The following STX8 variants were observed in gnomAD, a reference collection of about 807,000 sequenced individuals.
STX8 encodes syntaxin-8.
In STX8, 23 loss-of-function variants were observed where a neutral mutation model predicts 37.5. The ratio of observed to expected loss-of-function variants is 0.61; its 90% CI spans 0.44 to 0.87. The LOEUF (loss-of-function observed/expected upper bound fraction) is 0.87, where lower values mean the gene tolerates loss of function less well. STX8 is among the 40% of genes least tolerant of loss of function. The pLI, the probability that STX8 is intolerant of heterozygous loss-of-function variation, is 0.00. For missense variants in STX8, 313 were observed against 284.7 expected (o/e 1.10, Z -0.71); for synonymous variants, 115 against 99.1 (o/e 1.16, Z -0.95).
chr17:9,475,052 G>A (rs1906042565), intron 6 of STX8, among the ~76,000 whole-genome samples: 1 of 152,148 alleles, frequency 6.6e-6, no homozygotes, highest in African/African-American at 2.4e-5. Flanking sequence ...GATTTCTATA[G>A]ATACTATGAC....
intron 7 of STX8, among the ~76,000 whole-genome samples, chr17:9,310,160 C>A (rs2142189752): frequency 6.6e-6 from 1 of 152,044 alleles, no homozygotes; most frequent in South Asian, 2.1e-4. Flanking sequence ...AAAAAAACAA[C>A]ATACAAACAC....
chr17:9,462,783 C>A (rs1241202096), intron 6 of STX8, among the ~76,000 whole-genome samples: 1 of 152,156 alleles, frequency 6.6e-6, no homozygotes, highest in Admixed American at 6.6e-5. Context: ...TCCAATGAAA[C>A]CCTAATTATA....
chr17:9,525,408 A>G (rs540779424), intron 4 of STX8, among the ~76,000 whole-genome samples: 42 of 150,252 alleles, frequency 2.8e-4, no homozygotes, highest in Non-Finnish European at 4.0e-4. Flanking sequence ...GTGCAATGGC[A>G]TGATCTCGGC....
chr17:9,537,371 TG>T (rs1906100685), intron 4 of STX8, among the ~76,000 whole-genome samples: 1 of 152,174 alleles, frequency 6.6e-6, no homozygotes, highest in Non-Finnish European at 1.5e-5. Flanking sequence ...AGAAGACAGA[TG>T]TGAGTTCTCC....
chr17:9,541,334 G>A (rs537393208), intron 4 of STX8, among the ~76,000 whole-genome samples: 212 of 152,268 alleles, frequency 1.4e-3, no homozygotes, highest in African/African-American at 4.8e-3. Context: ...CAGGTGCAGC[G>A]TATGATGGGG....
intron 7 of STX8, among the ~76,000 whole-genome samples, chr17:9,364,589 G>A (rs575658558): frequency 2.0e-5 from 3 of 152,080 alleles, no homozygotes; most frequent in South Asian, 2.1e-4. Flanking sequence ...GGAGGGCAGC[G>A]GCGCGATCTT....
At chr17:9,368,579 C>T (rs1430434180) in intron 7 of STX8, among the ~76,000 whole-genome samples, 3 of 152,180 alleles carry the variant, frequency 2.0e-5, no homozygotes, top group Non-Finnish European at 4.4e-5. Flanking sequence ...TCCCACATCA[C>T]CAATGGTGAC....
chr17:9,288,194 A>AAG (rs1336251423), intron 7 of STX8, among the ~76,000 whole-genome samples: 2 of 151,698 alleles, frequency 1.3e-5, no homozygotes, highest in Non-Finnish European at 2.9e-5. Flanking sequence ...AAAAAAAAAA[A>AAG]AACAGAAAAA....
At chr17:9,386,470 C>T (rs569051334) in intron 6 of STX8, among the ~76,000 whole-genome samples, 11 of 151,936 alleles carry the variant, frequency 7.2e-5, no homozygotes, top group East Asian at 3.9e-4. Context: ...TGGAAATGTT[C>T]GAAAGGTCAT....
chr17:9,359,804 G>A (rs1006805835), intron 7 of STX8, among the ~76,000 whole-genome samples: 1 of 151,924 alleles, frequency 6.6e-6, no homozygotes, highest in African/African-American at 2.4e-5. Context: ...CACCGTGCCT[G>A]GACTGTGATA....
At chr17:9,524,283 G>A (rs918430994) in intron 4 of STX8, among the ~76,000 whole-genome samples, 25 of 152,142 alleles carry the variant, frequency 1.6e-4, no homozygotes, top group African/African-American at 5.8e-4. Flanking sequence ...CTCAGACTGG[G>A]CAATTTATAA....
intron 7 of STX8, among the ~76,000 whole-genome samples, chr17:9,334,640 C>T (rs563143343): frequency 1.3e-5 from 2 of 152,244 alleles, no homozygotes; most frequent in South Asian, 4.1e-4. Context: ...AAAGACAATA[C>T]ATGTTTGCTT....
At chr17:9,257,582 G>GC (rs1302117185) in intron 7 of STX8, among the ~76,000 whole-genome samples, 2 of 152,190 alleles carry the variant, frequency 1.3e-5, no homozygotes, top group Non-Finnish European at 2.9e-5. Flanking sequence ...TGATGGGAAA[G>GC]CAAGAGGCAG....
intron 6 of STX8, among the ~76,000 whole-genome samples, chr17:9,405,468 C>G (rs1912769485): frequency 1.3e-5 from 2 of 152,140 alleles, no homozygotes; most frequent in Non-Finnish European, 1.5e-5. Flanking sequence ...GGAAAAGGGG[C>G]TCTTGTTTTC....
At position 9,274,711 on chromosome 17, in the gene STX8, TAATAAAC is replaced by T. The variant is rs1204812887; in HGVS notation, c.644-24073_644-24067del. 1.1e-3 allele frequency among the ~76,000 whole-genome samples: 135 copies of T among 123,504 alleles called. 1 individual carries two copies. The highest frequency in any genetic ancestry group is 2.0e-3 in the South Asian group (7 of 3,440). 81.0% of individuals were successfully genotyped at this position (123,504 alleles called of 152,430 possible). On this transcript the variant is annotated intron_variant, in intron 7 of 7. Coordinates refer to ENST00000306357, the MANE Select transcript of STX8 (RefSeq NM_004853.3). ...ATAATAATAATAATAATAATAATAA[TAATAAAC>T]AAAGTCTTCAAAAATACAACAATTT...
At chr17:9,345,279 A>G (rs1910493417) in intron 7 of STX8, among the ~76,000 whole-genome samples, 2 of 151,992 alleles carry the variant, frequency 1.3e-5, no homozygotes, top group African/African-American at 4.8e-5. Context: ...CCTTCTCAGT[A>G]GCTGGGATTA....
intron 7 of STX8, among the ~76,000 whole-genome samples, chr17:9,262,174 C>G (rs12950781): frequency 0.29 from 44,196 of 152,178 alleles, 6,396 homozygotes; most frequent in Middle Eastern, 0.34. Flanking sequence ...ATTTGACCAA[C>G]ACGCAAAAGA....
rs747652411 is a variant in STX8 at position 9,517,492 on chromosome 17, C to T, written c.324-12330G>A. Among the ~76,000 whole-genome samples, 281 of 152,254 alleles carry T rather than the reference C, an allele frequency of 1.8e-3. 2 individuals carry two copies. The highest frequency in any genetic ancestry group is 3.8e-4 in the Non-Finnish European group (26 of 68,016). Reference sequence around the variant, plus strand: ...CAAACATTATCTCATGTGAATCGCACACAGCCCTGTGTGTAAGTCAGCACA... The same window carrying T: ...CAAACATTATCTCATGTGAATCGCATACAGCCCTGTGTGTAAGTCAGCACA... On this transcript the variant is annotated intron_variant, in intron 4 of 7. Transcript: ENST00000306357.
chr17:9,508,342 T>C (rs1904910190), intron 4 of STX8, among the ~76,000 whole-genome samples: 1 of 152,204 alleles, frequency 6.6e-6, no homozygotes, highest in South Asian at 2.1e-4. Context: ...ATTTATTTTT[T>C]TGGAGACAGG....
Sources: allele counts gnomAD v4.1 joint callset (sites outside exome capture counted in the v4.1 genomes callset), GRCh38; gene constraint gnomAD v4.1.1; transcripts MANE v1.5; gene names NCBI Gene and HGNC (gene_info 2026-07-23, HGNC 2026-07-21).